LDB2: variants seen among roughly 807,000 people sequenced by gnomAD.
The protein encoded by LDB2 is LIM domain-binding protein 2.
In LDB2, 12 loss-of-function variants were observed where a neutral mutation model predicts 44.3. The observed-to-expected ratio is 0.27, with a 90% CI of 0.17 to 0.44. The LOEUF (loss-of-function observed/expected upper bound fraction) is 0.44, where lower values mean the gene tolerates loss of function less well. Among genes scored for constraint, LDB2 ranks in the 20% least tolerant of loss-of-function variants. LDB2 has a pLI of 1.00. For synonymous variants in LDB2, 164 were observed against 174.8 expected, an observed-to-expected ratio of 0.94 and a Z score of 0.49; for missense variants, 344 against 473.5, an observed-to-expected ratio of 0.73 and a Z score of 2.54.
chr4:16,562,967 C>T lies in LDB2; in HGVS notation c.615+22955G>A, dbSNP rs535956319. Among the ~76,000 whole-genome samples, 5 of 149,036 alleles carry T rather than the reference C, an allele frequency of 3.4e-5. No homozygotes were observed. The East Asian group carries it at 1.0e-3, about 30-fold the overall frequency. ...CATTCTCAGTAAACTATCGCAAGGA[C>T]AAAAAACCAAACACCGCATGTTCTC... On this transcript the variant is annotated intron_variant, in intron 5 of 7. Transcript: ENST00000304523.
Position 16,556,269 on chromosome 4 carries a change from C to G in LDB2, c.615+29653G>C, listed in dbSNP as rs184790542. Among the ~76,000 whole-genome samples, 282 of 152,278 alleles carry G rather than the reference C, an allele frequency of 1.9e-3. 2 individuals are homozygous for G. The highest frequency in any genetic ancestry group is 6.4e-3 in the African/African-American group (268 of 41,554). On this transcript the variant is annotated intron_variant, in intron 5 of 7. Coordinates refer to ENST00000304523, the MANE Select transcript of LDB2 (RefSeq NM_001290.5). Reference sequence around the variant, plus strand: ...TTTTTGCATATGTTTATATTTCTAGCACCTAGCACCAAGTCTGGCATCCAG... The same window carrying G: ...TTTTTGCATATGTTTATATTTCTAGGACCTAGCACCAAGTCTGGCATCCAG...
chr4:16,700,062 A>G lies in LDB2; in HGVS notation c.235+59096T>C, dbSNP rs921806677. The stretch of plus-strand genomic sequence containing the variant: ...TTGGAAGGTTTGTGTTGTACACTGA[A>G]CTGTAGTTCAGCATCCCTAATTAAA... On this transcript the variant is annotated intron_variant, in intron 2 of 7. Transcript: ENST00000304523. 2.0e-5 allele frequency among the ~76,000 whole-genome samples: 3 copies of G among 152,190 alleles called. No individual in the cohort carries two copies. In the East Asian group the frequency reaches 5.8e-4, roughly 29 times the overall value.
intron 2 of LDB2, among the ~76,000 whole-genome samples, chr4:16,650,362 GA>G (rs1737930106): frequency 6.6e-6 from 1 of 152,128 alleles, no homozygotes; most frequent in African/African-American, 2.4e-5. Flanking sequence ...CTACCTTCTT[GA>G]GGTCTTGTTG....
At chr4:16,723,585 C>T (rs890439691) in intron 2 of LDB2, among the ~76,000 whole-genome samples, 3 of 152,158 alleles carry the variant, frequency 2.0e-5, no homozygotes, top group Non-Finnish European at 4.4e-5. Flanking sequence ...TGCCCTGCCA[C>T]ACATGAACTC....
At chr4:16,578,101 T>G (rs957224462) in intron 5 of LDB2, among the ~76,000 whole-genome samples, 1 of 152,102 alleles carries the variant, frequency 6.6e-6, no homozygotes, top group Non-Finnish European at 1.5e-5. Context: ...GCTCTCAAAC[T>G]ATGAAACTAC....
intron 3 of LDB2, among the ~76,000 whole-genome samples, chr4:16,591,363 C>CA (rs1718886446): frequency 6.6e-6 from 1 of 152,128 alleles, no homozygotes; most frequent in South Asian, 2.1e-4. Context: ...GGGGACCTTT[C>CA]TTGCAGTCAA....
At chr4:16,655,562 C>T (rs758809716) in intron 2 of LDB2, among the ~76,000 whole-genome samples, 21 of 152,182 alleles carry the variant, frequency 1.4e-4, no homozygotes, top group Non-Finnish European at 2.5e-4. Context: ...TCCACAGACT[C>T]CAGAAAGTCT....
At chr4:16,506,201 C>T (rs779695522) in intron 7 of LDB2, 3 of 466,248 alleles carry the variant, frequency 6.4e-6, no homozygotes, top group Non-Finnish European at 1.1e-5. Context: ...CACCACAAGT[C>T]ATCCAACGCT....
At position 16,770,608 on chromosome 4, in the gene LDB2, C is replaced by G. The variant is rs577200204; in HGVS notation, c.133-11348G>C. On this transcript the variant is annotated intron_variant, in intron 1 of 7. Transcript: ENST00000304523. The stretch of plus-strand genomic sequence containing the variant: ...TACCCAAGGTTACAAATCAAATAAG[C>G]GGCAACATTGGAATTTGCATCCTCT... Among the ~76,000 whole-genome samples the G allele has an allele frequency of 8.5e-5, 13 of 152,260 alleles. No individual in the cohort carries two copies. In the South Asian group the frequency reaches 2.5e-3, roughly 29 times the overall value.
intron 2 of LDB2, among the ~76,000 whole-genome samples, chr4:16,617,649 G>A (rs538025077): frequency 6.6e-6 from 1 of 152,268 alleles, no homozygotes; most frequent in South Asian, 2.1e-4. Flanking sequence ...GTTCCTAAGA[G>A]CTACACATGG....
chr4:16,727,915 T>G (rs1346841789), intron 2 of LDB2, among the ~76,000 whole-genome samples: 1 of 152,182 alleles, frequency 6.6e-6, no homozygotes. Context: ...ATAAATAAAC[T>G]GAAGGAAGCT....
At chr4:16,849,481 T>C (rs1248832981) in intron 1 of LDB2, among the ~76,000 whole-genome samples, 1 of 152,206 alleles carries the variant, frequency 6.6e-6, no homozygotes, top group African/African-American at 2.4e-5. Context: ...GAATGTCAGT[T>C]ACACTTTATC....
chr4:16,555,050 C>T (rs1739031787), intron 5 of LDB2, among the ~76,000 whole-genome samples: 1 of 151,028 alleles, frequency 6.6e-6, no homozygotes, highest in South Asian at 2.1e-4. Context: ...TCTGTACCTG[C>T]ACAATTTTGC....
intron 2 of LDB2, among the ~76,000 whole-genome samples, chr4:16,621,482 G>A (rs1425282287): frequency 6.6e-6 from 1 of 152,224 alleles, no homozygotes. Context: ...ATAAAGGCAA[G>A]TTAGAAAGAG....
rs1410425791 is a variant in LDB2, at chr4:16,590,283, G to T, written c.409-1451C>A. Among the ~76,000 whole-genome samples the T allele has an allele frequency of 2.0e-5, 3 of 151,904 alleles. No homozygotes were observed. In the East Asian group the frequency reaches 5.8e-4, roughly 29 times the overall value. ...AGCTTTTTGGAGAAAGATTTCCTAG[G>T]CTAAAAACAAACATACAACACTCCA... On this transcript the variant is annotated intron_variant, in intron 3 of 7. Coordinates refer to ENST00000304523, the MANE Select transcript of LDB2 (RefSeq NM_001290.5).
intron 3 of LDB2, among the ~76,000 whole-genome samples, chr4:16,590,366 T>C (rs1718501902): frequency 2.6e-5 from 4 of 152,208 alleles, no homozygotes; most frequent in Admixed American, 2.6e-4. Context: ...ATTAATTAAC[T>C]GAAGAGAGAA....
At chr4:16,815,987 C>G (rs960600597) in intron 1 of LDB2, among the ~76,000 whole-genome samples, 1 of 152,144 alleles carries the variant, frequency 6.6e-6, no homozygotes, top group Admixed American at 6.5e-5. Flanking sequence ...GCGGGTGGAT[C>G]GTCTGAGGTC....
chr4:16,816,219 T>G (rs1780863162), intron 1 of LDB2, among the ~76,000 whole-genome samples: 1 of 151,832 alleles, frequency 6.6e-6, no homozygotes, highest in Non-Finnish European at 1.5e-5. Flanking sequence ...AGATAAAAAA[T>G]TAAAAAATCC....
chr4:16,615,596 G>A (rs1287841497), intron 2 of LDB2, among the ~76,000 whole-genome samples: 1 of 152,056 alleles, frequency 6.6e-6, no homozygotes, highest in Non-Finnish European at 1.5e-5. Flanking sequence ...CACACACCAG[G>A]GCCTGTTGGG....
Sources: allele counts gnomAD v4.1 joint callset (sites outside exome capture counted in the v4.1 genomes callset), GRCh38; gene constraint gnomAD v4.1.1; transcripts MANE v1.5; gene names NCBI Gene and HGNC (gene_info 2026-07-23, HGNC 2026-07-21).